LRRC8C: variants seen among roughly 807,000 people sequenced by gnomAD.
LRRC8C encodes volume-regulated anion channel subunit LRRC8C.
In LRRC8C, 20 loss-of-function variants were observed where a neutral mutation model predicts 55.3. That is an observed-to-expected ratio of 0.36 (90% CI 0.25 to 0.53). The LOEUF (loss-of-function observed/expected upper bound fraction) is 0.53, where lower values mean the gene tolerates loss of function less well. Ranked by LOEUF, LRRC8C falls within the 20% of genes least tolerant of loss-of-function variation. The probability of loss-of-function intolerance (pLI) is 0.92; values close to 1 mark genes in which losing one functional copy is unlikely to be tolerated. For missense variants in LRRC8C, 659 were observed against 951.4 expected (o/e 0.69, Z 4.04); for synonymous variants, 376 against 360.7 (o/e 1.04, Z -0.48).
chr1:89,650,816 A>T (rs777069797), intron 1 of LRRC8C, among the ~76,000 whole-genome samples: 21 of 152,194 alleles, frequency 1.4e-4, no homozygotes, highest in Non-Finnish European at 2.5e-4. Context: ...CTCCAATATC[A>T]AATACTGCTC....
chr1:89,659,886 C>G (rs1215831589), intron 1 of LRRC8C, among the ~76,000 whole-genome samples: 1 of 152,128 alleles, frequency 6.6e-6, no homozygotes, highest in Non-Finnish European at 1.5e-5. Context: ...TCTGCCCTTA[C>G]AGAATTTACA....
intron 1 of LRRC8C, among the ~76,000 whole-genome samples, chr1:89,662,559 A>G (rs944640689): frequency 1.3e-5 from 2 of 152,190 alleles, no homozygotes; most frequent in African/African-American, 4.8e-5. Context: ...TAATTGAGAG[A>G]TGATGGTGGC....
At chr1:89,701,251 C>A (rs1007948955) in intron 2 of LRRC8C, among the ~76,000 whole-genome samples, 10 of 152,212 alleles carry the variant, frequency 6.6e-5, no homozygotes, top group East Asian at 3.9e-4. Context: ...CCGAGGCAGG[C>A]GGATCACGAG....
intron 1 of LRRC8C, among the ~76,000 whole-genome samples, chr1:89,655,264 G>A (rs139677882): frequency 3.3e-5 from 5 of 150,244 alleles, no homozygotes; most frequent in South Asian, 2.1e-4. Context: ...AGTTCTTTTC[G>A]GTGTGTTTAT....
chr1:89,700,184 T>C (rs980486951), intron 2 of LRRC8C, among the ~76,000 whole-genome samples: 3 of 152,140 alleles, frequency 2.0e-5, no homozygotes, highest in Admixed American at 6.5e-5. Context: ...TCCCTCTCTC[T>C]CCCCAAATGC....
chr1:89,683,809 C>A (rs1657793112), intron 1 of LRRC8C, among the ~76,000 whole-genome samples: 1 of 152,266 alleles, frequency 6.6e-6, no homozygotes, highest in Middle Eastern at 3.4e-3. Context: ...AACCACATGT[C>A]TTTGTGAGGC....
At position 89,719,412 on chromosome 1, in the gene LRRC8C, CTG is replaced by C. The variant is rs1321622508; in HGVS notation, c.*4432_*4433del. 6.6e-6 allele frequency: 1 copy of C among 152,120 alleles called. No homozygotes were observed. Among genetic ancestry groups the C allele is most frequent in the African/African-American group, 2.4e-5 (1 of 41,424 alleles). The allele number at this position is 152,120 out of a possible 1,614,324, so 9.4% of individuals were successfully genotyped here. ...TCAAAAGCTGGCAAAACCTCTAAAACTGTCAAGAAAATGCTTGAAAGTTGATT... is the reference window on the plus strand; with the variant it reads ...TCAAAAGCTGGCAAAACCTCTAAAACTCAAGAAAATGCTTGAAAGTTGATT... On this transcript the variant is annotated 3_prime_UTR_variant, in exon 3 of 3. Transcript: ENST00000370454.
intron 1 of LRRC8C, among the ~76,000 whole-genome samples, chr1:89,673,114 C>G (rs1657466537): frequency 6.6e-6 from 1 of 152,090 alleles, no homozygotes; most frequent in Non-Finnish European, 1.5e-5. Flanking sequence ...TTCTTCCATA[C>G]TTTTTTCTAC....
chr1:89,675,741 C>A (rs751604574), intron 1 of LRRC8C, among the ~76,000 whole-genome samples: 9 of 151,964 alleles, frequency 5.9e-5, no homozygotes, highest in African/African-American at 2.2e-4. Context: ...GTTTAGAATC[C>A]GATTGGGATT....
chr1:89,621,284 C>A, the LRRC8C span, among the ~76,000 whole-genome samples: 5 of 140,530 alleles, frequency 3.6e-5, no homozygotes, highest in Non-Finnish European at 6.0e-5. Context: ...CATGGTGAAA[C>A]CCCGTCTCTA....
chr1:89,667,914 C>T (rs1657316763), intron 1 of LRRC8C, among the ~76,000 whole-genome samples: 1 of 152,062 alleles, frequency 6.6e-6, no homozygotes, highest in African/African-American at 2.4e-5. Flanking sequence ...GCCAGAAGTG[C>T]AAAGTCATAA....
chr1:89,697,838 A>AG (rs778023364), intron 2 of LRRC8C, among the ~76,000 whole-genome samples: 4 of 152,130 alleles, frequency 2.6e-5, no homozygotes, highest in Non-Finnish European at 2.9e-5. Context: ...TCAAAAGAAG[A>AG]GGGGAAAAAA....
At position 89,637,455 on chromosome 1, in the gene LRRC8C, C is replaced by T. The variant is rs374754846; in HGVS notation, c.-5+4133C>T. Among the ~76,000 whole-genome samples the T allele has an allele frequency of 1.2e-4, 18 of 150,620 alleles. No individual in the cohort carries two copies. The East Asian group carries it at 2.0e-3, about 17-fold the overall frequency. On this transcript the variant is annotated intron_variant, in intron 1 of 2. Coordinates refer to ENST00000370454, the MANE Select transcript of LRRC8C (RefSeq NM_032270.5). ...AGAATTAGCACAAGCAGAAGACCCA[C>T]TATAAATATGACTCACTATAAATAT...
intron 1 of LRRC8C, among the ~76,000 whole-genome samples, chr1:89,649,517 A>G (rs1461512600): frequency 6.6e-6 from 1 of 152,100 alleles, no homozygotes; most frequent in Non-Finnish European, 1.5e-5. Flanking sequence ...TGTGTCCAGA[A>G]AAGATTTTTT....
chr1:89,702,204 G>C (rs1240456773), intron 2 of LRRC8C, among the ~76,000 whole-genome samples: 2 of 151,968 alleles, frequency 1.3e-5, no homozygotes, highest in Admixed American at 1.3e-4. Context: ...CTGGGGGGCT[G>C]GGGGCTGGGT....
chr1:89,659,425 A>G (rs2101210936), intron 1 of LRRC8C, among the ~76,000 whole-genome samples: 1 of 152,268 alleles, frequency 6.6e-6, no homozygotes, highest in African/African-American at 2.4e-5. Flanking sequence ...AACCCCAGGC[A>G]AGATATTGAC....
In LRRC8C at chr1:89,714,601, C is replaced by A; in HGVS notation, c.2031C>A (p.Ser677=). The A allele has an allele frequency of 6.2e-7, 1 of 1,613,940 alleles. No individual in the cohort carries two copies. The highest frequency in any genetic ancestry group is 1.1e-5 in the South Asian group (1 of 91,056). Residue 677 remains serine, a synonymous_variant, in exon 3 of 3, where the codon TCC becomes TCA. Transcript: ENST00000370454. The surrounding 1 kb of genome is among the most constrained non-coding windows in gnomAD (Gnocchi z 4.6). ...ACAATAAAATAGAGGTGCTGCCTTC[C>A]CACCTCTTCCTATGCAACAAGATCC... The part of the protein sequence containing the change: ...FSHNKIEVLP[S]HLFLCNKIRY...
chr1:89,700,538 T>C (rs1436327821), intron 2 of LRRC8C, among the ~76,000 whole-genome samples: 1 of 152,226 alleles, frequency 6.6e-6, no homozygotes, highest in Non-Finnish European at 1.5e-5. Flanking sequence ...TAGTAGATAG[T>C]AGGTATTCAA....
At chr1:89,695,632 G>T (rs904363974) in intron 2 of LRRC8C, among the ~76,000 whole-genome samples, 4 of 152,076 alleles carry the variant, frequency 2.6e-5, no homozygotes, top group Admixed American at 1.3e-4. Flanking sequence ...AAAATCTTTT[G>T]TCTAATAAAT....
Sources: allele counts gnomAD v4.1 joint callset (sites outside exome capture counted in the v4.1 genomes callset), GRCh38; gene constraint gnomAD v4.1.1; non-coding constraint Gnocchi (gnomAD v3.1); transcripts MANE v1.5; gene names NCBI Gene and HGNC (gene_info 2026-07-23, HGNC 2026-07-21).